The following RYR2 variants were observed in gnomAD, a reference collection of about 807,000 sequenced individuals.
RYR2 encodes ryanodine receptor 2, also known as cardiac muscle ryanodine receptor-calcium release channel.
RYR2 carries 227 observed loss-of-function variants against 601.1 expected under a neutral mutation model. The observed-to-expected ratio is 0.38, with a 90% CI of 0.34 to 0.42. The LOEUF is 0.42. Among genes scored for constraint, RYR2 ranks in the 10% least tolerant of loss-of-function variants. RYR2 has a pLI of 1.00. For synonymous variants in RYR2, 2,223 were observed against 2,175.1 expected (o/e 1.02, Z -0.61); for missense variants, 4,646 against 6,156.5 (o/e 0.75, Z 8.21).
intron 48 of RYR2, among the ~76,000 whole-genome samples, chr1:237,645,928 A>G (rs12076934): frequency 0.44 from 65,867 of 148,442 alleles, 16,255 homozygotes; most frequent in Non-Finnish European, 0.56. Context: ...CCAGGCTGGA[A>G]TGCAGTGGCG....
intron 2 of RYR2, among the ~76,000 whole-genome samples, chr1:237,310,411 G>C (rs1423693037): frequency 6.6e-6 from 1 of 152,186 alleles, no homozygotes; most frequent in Non-Finnish European, 1.5e-5. Context: ...TACCTAAGCA[G>C]ATAGCTACAG....
Position 237,377,344 on chromosome 1 carries a change from T to C in RYR2, c.485T>C (p.Ile162Thr). ...DTTGEACWWT[I>T]HPASKQRSEG... ...GCAGGGGAGGCTTGTTGGTGGACCA[T>C]ACACCCTGCCTCTAAGCAGCGATCA... Residue 162 changes from isoleucine to threonine, a missense_variant, in exon 8 of 105, where the codon ATA becomes ACA. Physicochemically the swap from Ile to Thr is moderately conservative, Grantham distance 89. Transcript: ENST00000366574. The C allele has an allele frequency of 6.2e-7, 1 of 1,613,240 alleles. No individual in the cohort carries two copies. Among genetic ancestry groups the C allele is most frequent in the Non-Finnish European group, 8.5e-7 (1 of 1,179,398 alleles).
intron 1 of RYR2, among the ~76,000 whole-genome samples, chr1:237,250,599 C>T (rs1687357710): frequency 6.6e-6 from 1 of 152,116 alleles, no homozygotes; most frequent in South Asian, 2.1e-4. Flanking sequence ...GTCTTCCCTT[C>T]CCATTCTCAG....
At chr1:237,438,470 C>T (rs12139603) in intron 12 of RYR2, among the ~76,000 whole-genome samples, 6,832 of 152,192 alleles carry the variant, frequency 0.045, 243 homozygotes, top group Middle Eastern at 0.12. Context: ...GGCAGTTAAC[C>T]TTGTTGGGTT....
intron 2 of RYR2, among the ~76,000 whole-genome samples, chr1:237,294,793 G>A (rs1247104858): frequency 1.3e-5 from 2 of 152,182 alleles, no homozygotes; most frequent in African/African-American, 2.4e-5. Flanking sequence ...ATTGGGGATT[G>A]CAGGAAGGGT....
chr1:237,049,403 AT>A (rs1660977744), intron 1 of RYR2, among the ~76,000 whole-genome samples: 1 of 152,072 alleles, frequency 6.6e-6, no homozygotes, highest in Non-Finnish European at 1.5e-5. Flanking sequence ...CTGCCAACAA[AT>A]GGTTGTGTGA....
intron 61 of RYR2, among the ~76,000 whole-genome samples, chr1:237,679,408 G>A (rs892773175): frequency 9.2e-5 from 14 of 152,088 alleles, no homozygotes; most frequent in African/African-American, 3.1e-4. Flanking sequence ...AATAAAAACT[G>A]GTGTAGTCCC....
intron 87 of RYR2, among the ~76,000 whole-genome samples, chr1:237,776,409 T>G (rs1694660612): frequency 6.6e-6 from 1 of 152,192 alleles, no homozygotes; most frequent in African/African-American, 2.4e-5. Flanking sequence ...CGACCATTTC[T>G]TTACCACTAG....
intron 17 of RYR2, among the ~76,000 whole-genome samples, chr1:237,491,272 A>G (rs1241595979): frequency 6.6e-6 from 1 of 152,154 alleles, no homozygotes; most frequent in Non-Finnish European, 1.5e-5. Flanking sequence ...CTTGTGTACT[A>G]TAAACCTCAA....
chr1:237,327,554 A>G (rs749484511), intron 2 of RYR2, among the ~76,000 whole-genome samples: 1 of 152,200 alleles, frequency 6.6e-6, no homozygotes, highest in Non-Finnish European at 1.5e-5. Flanking sequence ...TTTCTTGACA[A>G]TACTGGAACA....
rs1020338945 is a variant in RYR2, at chr1:237,472,038, T to C, written c.1708+2851T>C. Among the ~76,000 whole-genome samples, 5 of 152,346 alleles carry C rather than the reference T, an allele frequency of 3.3e-5. No homozygotes were observed. The East Asian group carries it at 9.6e-4, about 29-fold the overall frequency. On this transcript the variant is annotated intron_variant, in intron 17 of 104. Transcript: ENST00000366574. ...ATGATACTTTGTAGCTCTTGTTTTT[T>C]AAGTATCTAAAATATATTTTGCTGA...
chr1:237,793,366 T>G (rs1018535513), intron 94 of RYR2, among the ~76,000 whole-genome samples: 1 of 152,234 alleles, frequency 6.6e-6, no homozygotes, highest in African/African-American at 2.4e-5. Flanking sequence ...GGAAATATTT[T>G]GACAAACTGA....
rs150036642 is a variant in RYR2, at chr1:237,410,294, A to G, written c.774-6755A>G. On this transcript the variant is annotated intron_variant, in intron 10 of 104. Coordinates refer to ENST00000366574, the MANE Select transcript of RYR2 (RefSeq NM_001035.3). ...GCTCTGAAGCGCTGTGAATTTGTCT[A>G]TATTTCTCTTAAGGGCAAAAAAGAT... Among the ~76,000 whole-genome samples the G allele has an allele frequency of 5.3e-5, 8 of 152,298 alleles. No individual in the cohort carries two copies. In the South Asian group the frequency reaches 1.0e-3, roughly 20 times the overall value.
intron 99 of RYR2, among the ~76,000 whole-genome samples, chr1:237,808,308 C>CAAAA (rs1660865434): frequency 6.6e-6 from 1 of 152,024 alleles, no homozygotes; most frequent in Non-Finnish European, 1.5e-5. Flanking sequence ...AATTTACAGT[C>CAAAA]ATAACAAAAA....
At chr1:237,120,196 T>C (rs566856221) in intron 1 of RYR2, among the ~76,000 whole-genome samples, 1 of 152,296 alleles carries the variant, frequency 6.6e-6, no homozygotes, top group South Asian at 2.1e-4. Context: ...TTTGAGAAGA[T>C]TAATGAGGTA....
chr1:237,095,365 C>T (rs1280008780), intron 1 of RYR2, among the ~76,000 whole-genome samples: 1 of 152,176 alleles, frequency 6.6e-6, no homozygotes, highest in African/African-American at 2.4e-5. Context: ...CAGGGCCGTG[C>T]AGCACTGTTG....
chr1:237,234,147 A>G (rs1685300843), intron 1 of RYR2, among the ~76,000 whole-genome samples: 1 of 152,174 alleles, frequency 6.6e-6, no homozygotes, highest in Admixed American at 6.5e-5. Context: ...TTAGATTATT[A>G]TGTCCTGAAG....
intron 74 of RYR2, among the ~76,000 whole-genome samples, chr1:237,724,199 A>G (rs931824775): frequency 1.4e-5 from 2 of 140,762 alleles, no homozygotes; most frequent in African/African-American, 5.0e-5. Context: ...ATATATATAT[A>G]TATATATATA....
chr1:237,727,892 G>A (rs931253581), intron 76 of RYR2, among the ~76,000 whole-genome samples: 2 of 151,970 alleles, frequency 1.3e-5, no homozygotes, highest in East Asian at 1.9e-4. Context: ...TCACCTTGGA[G>A]TTCTCTGAGA....
Sources: gnomAD v4.1 joint callset for allele counts (sites outside exome capture counted in the v4.1 genomes callset) on GRCh38, gnomAD v4.1.1 for gene constraint, MANE v1.5 for transcripts, NCBI Gene and HGNC (gene_info 2026-07-23, HGNC 2026-07-21) for gene names.